The following PLXNA4 variants were observed in gnomAD, a reference collection of about 807,000 sequenced individuals.
The protein encoded by PLXNA4 is plexin A4.
PLXNA4 carries 44 observed loss-of-function variants against 191.8 expected under a neutral mutation model. That is an observed-to-expected ratio of 0.23 (90% CI 0.18 to 0.29). The LOEUF (loss-of-function observed/expected upper bound fraction) is 0.29. Among genes scored for constraint, PLXNA4 ranks in the 10% least tolerant of loss-of-function variants. The pLI is 1.00. For missense variants in PLXNA4, 1,800 were observed against 2,488.8 expected (o/e 0.72, Z 5.89); for synonymous variants, 1,082 against 1,009.5 (o/e 1.07, Z -1.36).
intron 4 of PLXNA4, among the ~76,000 whole-genome samples, chr7:132,294,000 A>C (rs1438867379): frequency 6.6e-6 from 1 of 152,226 alleles, no homozygotes; most frequent in African/African-American, 2.4e-5. Context: ...ACACAAGTAA[A>C]CTAAAGAGAC....
intron 3 of PLXNA4, among the ~76,000 whole-genome samples, chr7:132,326,523 TC>T (rs1802364768): frequency 6.6e-6 from 1 of 151,894 alleles, no homozygotes; most frequent in South Asian, 2.1e-4. Context: ...TTCCCGTCCT[TC>T]CCCTTGCCTT....
chr7:132,254,220 C>T (rs1799354610), intron 4 of PLXNA4, among the ~76,000 whole-genome samples: 1 of 152,132 alleles, frequency 6.6e-6, no homozygotes, highest in Non-Finnish European at 1.5e-5. Flanking sequence ...TCAGCTCTGC[C>T]CTTTCCCTAG....
intron 21 of PLXNA4, 60 bp from the exon 22 acceptor site, chr7:132,168,632 C>T: frequency 6.6e-7 from 1 of 1,515,002 alleles, no homozygotes; most frequent in Admixed American, 2.0e-5. Flanking sequence ...AGTGACCTCC[C>T]CACGGGATGG....
chr7:132,529,698 T>C (rs1311075191), intron 1 of PLXNA4, among the ~76,000 whole-genome samples: 1 of 150,456 alleles, frequency 6.6e-6, no homozygotes, highest in East Asian at 2.0e-4. Flanking sequence ...CTCCACCTCC[T>C]GGGTCCATGT....
At chr7:132,205,930 GA>G (rs1431623501) in intron 10 of PLXNA4, among the ~76,000 whole-genome samples, 1 of 152,218 alleles carries the variant, frequency 6.6e-6, no homozygotes, top group Non-Finnish European at 1.5e-5. Context: ...GGAAGGCAAA[GA>G]ATCCTACATA....
At chr7:132,540,657 G>A (rs1336625498) in intron 1 of PLXNA4, among the ~76,000 whole-genome samples, 2 of 127,516 alleles carry the variant, frequency 1.6e-5, no homozygotes, top group Non-Finnish European at 3.2e-5. Flanking sequence ...GCGCAATCTC[G>A]GCTCACTGCA....
At chr7:132,189,247 T>G (rs1370170156) in intron 14 of PLXNA4, among the ~76,000 whole-genome samples, 2 of 151,500 alleles carry the variant, frequency 1.3e-5, no homozygotes, top group Non-Finnish European at 2.9e-5. Context: ...GGCTCACTGG[T>G]GGGGAGAGGA....
At chr7:132,332,949 T>C (rs1051841968) in intron 3 of PLXNA4, among the ~76,000 whole-genome samples, 12 of 152,276 alleles carry the variant, frequency 7.9e-5, no homozygotes, top group Middle Eastern at 3.4e-3. Context: ...TGAATTCTGA[T>C]ATTTTCCCTT....
At chr7:132,201,671 T>C (rs952111580) in intron 12 of PLXNA4, among the ~76,000 whole-genome samples, 8 of 152,152 alleles carry the variant, frequency 5.3e-5, no homozygotes, top group African/African-American at 1.9e-4. Flanking sequence ...ACAGATGACA[T>C]GGTGCCATGG....
Position 132,130,256 on chromosome 7 carries a change from G to A in PLXNA4, c.*223C>T. 3.4e-6 allele frequency: 2 copies of A among 586,224 alleles called. No homozygotes were observed. The highest frequency in any genetic ancestry group is 4.2e-5 in the South Asian group (2 of 47,510). 36.3% of individuals were successfully genotyped at this position (586,224 alleles called of 1,614,324 possible). On this transcript the variant is annotated 3_prime_UTR_variant, in exon 32 of 32. Coordinates refer to ENST00000321063, the MANE Select transcript of PLXNA4 (RefSeq NM_020911.2). Reference sequence around the variant, plus strand: ...GGGCCTGGCCATTCTTGGACTAACTGAGGGTCAGTGGCTTGGTCCAATCGT... The same window carrying A: ...GGGCCTGGCCATTCTTGGACTAACTAAGGGTCAGTGGCTTGGTCCAATCGT...
At chr7:132,140,395 A>G (rs1563052494) in intron 30 of PLXNA4, among the ~76,000 whole-genome samples, 1 of 152,170 alleles carries the variant, frequency 6.6e-6, no homozygotes. Flanking sequence ...TACCATGGCA[A>G]CCTCTGGCCA....
rs147479633 is a variant in PLXNA4 at position 132,186,373 on chromosome 7, G to A, written c.2994-910C>T. ...AGCTCCCAGAGTGGATCTGACCCTCGTGAATGGGCTTTAGTTGTAGATTCC... is the reference window on the plus strand; with the variant it reads ...AGCTCCCAGAGTGGATCTGACCCTCATGAATGGGCTTTAGTTGTAGATTCC... On this transcript the variant is annotated intron_variant, in intron 15 of 31. Transcript: ENST00000321063. 1.6e-4 allele frequency among the ~76,000 whole-genome samples: 25 copies of A among 152,282 alleles called. No individual in the cohort carries two copies. The East Asian group carries it at 2.3e-3, about 14-fold the overall frequency.
At chr7:132,325,464 A>G (rs1802321992) in intron 3 of PLXNA4, among the ~76,000 whole-genome samples, 1 of 152,208 alleles carries the variant, frequency 6.6e-6, no homozygotes, top group Admixed American at 6.5e-5. Flanking sequence ...TGTGAATGTG[A>G]CTTTACTTGG....
intron 1 of PLXNA4, among the ~76,000 whole-genome samples, chr7:132,562,193 C>CCTCCTCCTCCTT: frequency 1.6e-5 from 2 of 124,762 alleles, no homozygotes; most frequent in Non-Finnish European, 3.3e-5. Flanking sequence ...TCCTCCTTCT[C>CCTCCTCCTCCTT]CTCCTCCTCC....
At chr7:132,186,152 C>G (rs1296117599) in intron 15 of PLXNA4, among the ~76,000 whole-genome samples, 1 of 152,190 alleles carries the variant, frequency 6.6e-6, no homozygotes, top group African/African-American at 2.4e-5. Context: ...GCTTCTCCAG[C>G]CACATTGCCT....
chr7:132,511,953 T>G (rs1171508551), intron 1 of PLXNA4, among the ~76,000 whole-genome samples: 5 of 152,210 alleles, frequency 3.3e-5, no homozygotes, highest in African/African-American at 1.2e-4. Context: ...AGTGTAAGAC[T>G]GGGTCTCACA....
At chr7:132,409,512 G>A (rs565304516) in intron 3 of PLXNA4, among the ~76,000 whole-genome samples, 1 of 152,056 alleles carries the variant, frequency 6.6e-6, no homozygotes, top group Non-Finnish European at 1.5e-5. Context: ...TCCCTCCTTC[G>A]ATCATCCCAG....
At position 132,301,337 on chromosome 7, in the gene PLXNA4, T is replaced by C. The variant is rs561798930; in HGVS notation, c.1372-3115A>G. Among the ~76,000 whole-genome samples the C allele has an allele frequency of 3.9e-4, 59 of 152,320 alleles. 1 individual carries two copies. The highest frequency in any genetic ancestry group is 8.3e-4 in the South Asian group (4 of 4,820). ...GCTGCCGGCTCTTGGACCCTTAACA[T>C]AGACAAATAGAACAAGAGCTGTTAT... On this transcript the variant is annotated intron_variant, in intron 3 of 31. Coordinates refer to ENST00000321063, the MANE Select transcript of PLXNA4 (RefSeq NM_020911.2).
chr7:132,159,166 A>G (rs1245706117), intron 25 of PLXNA4, among the ~76,000 whole-genome samples: 1 of 151,994 alleles, frequency 6.6e-6, no homozygotes, highest in African/African-American at 2.4e-5. Flanking sequence ...TGACTCCTTC[A>G]TTTCCCACCC....
Sources: allele counts gnomAD v4.1 joint callset (sites outside exome capture counted in the v4.1 genomes callset), GRCh38; gene constraint gnomAD v4.1.1; transcripts MANE v1.5; gene names NCBI Gene and HGNC (gene_info 2026-07-23, HGNC 2026-07-21).